The following MXI1 variants were observed in gnomAD, a reference collection of about 807,000 sequenced individuals.
The protein encoded by MXI1 is MAX interactor 1, dimerization protein, also known as max-interacting protein 1.
Under a neutral mutation model 36.9 loss-of-function variants are expected in MXI1, and 18 were observed. The ratio of observed to expected loss-of-function variants is 0.49; its 90% CI spans 0.34 to 0.72. MXI1 has a LOEUF of 0.72. Ranked by LOEUF, MXI1 falls within the 30% of genes least tolerant of loss-of-function variation. The pLI is 0.01. For missense variants in MXI1, 304 were observed against 379.1 expected, an observed-to-expected ratio of 0.80 and a Z score of 1.64; for synonymous variants, 160 against 146.7, an observed-to-expected ratio of 1.09 and a Z score of -0.65.
At chr10:110,214,320 G>A (rs1421051512) in intron 1 of MXI1, among the ~76,000 whole-genome samples, 1 of 152,194 alleles carries the variant, frequency 6.6e-6, no homozygotes, top group Non-Finnish European at 1.5e-5. Context: ...GGAGTCAGAA[G>A]AGCCAACCAG....
At chr10:110,258,851 A>G (rs1349743757) in intron 3 of MXI1, among the ~76,000 whole-genome samples, 2 of 152,166 alleles carry the variant, frequency 1.3e-5, no homozygotes, top group Admixed American at 6.5e-5. Context: ...GAAATAGTTC[A>G]TTAAGACTAA....
rs985899150 is a variant in MXI1, at chr10:110,220,119, G to A, written c.275-8070G>A. On this transcript the variant is annotated intron_variant, in intron 1 of 5. Coordinates refer to ENST00000332674, the MANE Select transcript of MXI1 (RefSeq NM_130439.3). ...CGCGATTGAACATAACATGATGTAT[G>A]CTGTAGGGTCCAAGGGTCAGAAAAT... 5.3e-5 allele frequency among the ~76,000 whole-genome samples: 8 copies of A among 152,338 alleles called. No individual in the cohort carries two copies. The East Asian group carries it at 1.5e-3, about 29-fold the overall frequency.
At chr10:110,273,134 G>A (rs528114500) in intron 3 of MXI1, among the ~76,000 whole-genome samples, 57 of 134,242 alleles carry the variant, frequency 4.2e-4, no homozygotes, top group Non-Finnish European at 4.8e-4. Context: ...TGCAACCTCC[G>A]CCTCCCAGTT....
At position 110,287,039 on chromosome 10, in the gene MXI1, T is replaced by C. The variant is rs765133370; in HGVS notation, c.*2052T>C. The C allele has an allele frequency of 6.6e-6, 1 of 152,234 alleles. No individual in the cohort carries two copies. The highest frequency in any genetic ancestry group is 1.5e-5 in the Non-Finnish European group (1 of 68,032). The allele number at this position is 152,234 out of a possible 1,614,324, so 9.4% of individuals were successfully genotyped here. A position where few individuals can be genotyped will look rare whatever the true frequency, so the allele number is the denominator to read the frequency against. Reference sequence around the variant, plus strand: ...ATCAAGTGTGAGACAGTTTGAAGACTGTGCTACCATACAAAGTGAATGAAG... The same window carrying C: ...ATCAAGTGTGAGACAGTTTGAAGACCGTGCTACCATACAAAGTGAATGAAG... On this transcript the variant is annotated 3_prime_UTR_variant, in exon 6 of 6. Transcript: ENST00000332674.
chr10:110,208,118 G>C (rs1390147889), intron 1 of MXI1, 36 bp downstream of exon 1: 2 of 1,558,134 alleles, frequency 1.3e-6, no homozygotes, highest in African/African-American at 2.8e-5. Flanking sequence ...CTCGGCGCCC[G>C]GTTCTTTCTT....
At chr10:110,260,292 C>A (rs932067056) in intron 3 of MXI1, among the ~76,000 whole-genome samples, 1 of 151,962 alleles carries the variant, frequency 6.6e-6, no homozygotes, top group Non-Finnish European at 1.5e-5. Context: ...TCTAGATGAT[C>A]TTAGAAATCC....
intron 5 of MXI1, among the ~76,000 whole-genome samples, chr10:110,280,496 T>C (rs560702902): frequency 4.0e-4 from 60 of 151,832 alleles, no homozygotes; most frequent in Middle Eastern, 3.4e-3. Flanking sequence ...CTGGCTAACA[T>C]GGTAAAATCC....
chr10:110,210,214 G>C, intron 1 of MXI1: 1 of 980,608 alleles, frequency 1.0e-6, no homozygotes, highest in Non-Finnish European at 1.2e-6. Context: ...GTGAAGCCGA[G>C]GGGCTTCCTC....
At chr10:110,236,066 G>T (rs1855457416) in intron 2 of MXI1, among the ~76,000 whole-genome samples, 1 of 131,766 alleles carries the variant, frequency 7.6e-6, no homozygotes, top group South Asian at 2.7e-4. Context: ...TTTACATTTA[G>T]ATTTAAAATT....
Position 110,285,070 on chromosome 10 carries a change from T to C in MXI1, c.*83T>C. ...ACAATCTCTTAAATTGGGTTCATGA[T>C]GCAGTCTCCTCTTTAAAACAAAACA... On this transcript the variant is annotated 3_prime_UTR_variant, in exon 6 of 6. Coordinates refer to ENST00000332674, the MANE Select transcript of MXI1 (RefSeq NM_130439.3). 3.0e-6 allele frequency: 4 copies of C among 1,334,046 alleles called. No homozygotes were observed. Among genetic ancestry groups the C allele is most frequent in the Non-Finnish European group, 4.1e-6 (4 of 986,228 alleles). 82.6% of individuals were successfully genotyped at this position (1,334,046 alleles called of 1,614,324 possible). A position where few individuals can be genotyped will look rare whatever the true frequency, so the allele number is the denominator to read the frequency against.
At chr10:110,251,581 TGAA>T (rs771403021) in intron 3 of MXI1, among the ~76,000 whole-genome samples, 69 of 152,200 alleles carry the variant, frequency 4.5e-4, no homozygotes, top group Non-Finnish European at 8.4e-4. Context: ...AAAAAGAAAT[TGAA>T]GAAAATACCA....
rs1002009416 is a variant in MXI1, at chr10:110,235,880, G to A, written c.407+7559G>A. Among the ~76,000 whole-genome samples, 13 of 151,882 alleles carry A rather than the reference G, an allele frequency of 8.6e-5. No homozygotes were observed. In the South Asian group the frequency reaches 1.7e-3, roughly 19 times the overall value. ...AAATTAGCCAGGCATGGTGGCACAC[G>A]CCAGTAATCCCAGCTACTTGGGAGG... On this transcript the variant is annotated intron_variant, in intron 2 of 5. Transcript: ENST00000332674.
At chr10:110,257,842 C>T (rs1856371408) in intron 3 of MXI1, 1 of 334,802 alleles carries the variant, frequency 3.0e-6, no homozygotes, top group Non-Finnish European at 5.9e-6. Flanking sequence ...GAATTCATGG[C>T]ATAATAGGTG....
At chr10:110,228,849 G>A (rs76100549) in intron 2 of MXI1, among the ~76,000 whole-genome samples, 2,124 of 152,216 alleles carry the variant, frequency 0.014, 44 homozygotes, top group African/African-American at 0.049. Flanking sequence ...TGGTTGGTGG[G>A]CTCTTAAAGC....
intron 1 of MXI1, among the ~76,000 whole-genome samples, chr10:110,219,819 G>A (rs910237195): frequency 1.3e-5 from 2 of 152,162 alleles, no homozygotes; most frequent in Admixed American, 1.3e-4. Flanking sequence ...GATGCTTAAG[G>A]AATATTTATT....
chr10:110,236,331 G>A (rs1407760032), intron 2 of MXI1, among the ~76,000 whole-genome samples: 2 of 151,594 alleles, frequency 1.3e-5, no homozygotes, highest in South Asian at 2.1e-4. Context: ...TTATTCTAAT[G>A]CCACACTGTC....
In MXI1 at chr10:110,270,175, T is replaced by G. The variant is rs983166109; in HGVS notation, c.438-9005T>G. ...AACAAATTGCCACTGTTTTCTCCAG[T>G]GATGTAGCCCTATTTCCCAGACTTT... On this transcript the variant is annotated intron_variant, in intron 3 of 5. Coordinates refer to ENST00000332674, the MANE Select transcript of MXI1 (RefSeq NM_130439.3). Among the ~76,000 whole-genome samples, 3 of 152,304 alleles carry G rather than the reference T, an allele frequency of 2.0e-5. No individual in the cohort carries two copies. The South Asian group carries it at 6.2e-4, about 32-fold the overall frequency.
intron 3 of MXI1, among the ~76,000 whole-genome samples, chr10:110,248,215 G>A (rs1855945485): frequency 6.6e-6 from 1 of 152,148 alleles, no homozygotes; most frequent in African/African-American, 2.4e-5. Context: ...GAAGTGGGGA[G>A]GGATAGCATT....
chr10:110,277,910 T>G (rs1336288832), intron 3 of MXI1, among the ~76,000 whole-genome samples: 5 of 152,216 alleles, frequency 3.3e-5, no homozygotes, highest in African/African-American at 1.2e-4. Flanking sequence ...GAATTTCACT[T>G]GACATTATTT....
Sources: allele counts gnomAD v4.1 joint callset (sites outside exome capture counted in the v4.1 genomes callset), GRCh38; gene constraint gnomAD v4.1.1; transcripts MANE v1.5; gene names NCBI Gene and HGNC (gene_info 2026-07-23, HGNC 2026-07-21).